TBC1D22A: variants seen among roughly 807,000 people sequenced by gnomAD.
TBC1D22A encodes TBC1 domain family member 22A, also known as putative GTPase activator.
TBC1D22A carries 38 observed loss-of-function variants against 60.2 expected under a neutral mutation model. The observed-to-expected ratio is 0.63, with a 90% CI of 0.49 to 0.83. TBC1D22A has a LOEUF of 0.83. TBC1D22A is among the 40% of genes least tolerant of loss of function. The pLI is 0.00. For missense variants in TBC1D22A, 628 were observed against 701.0 expected, an observed-to-expected ratio of 0.90 and a Z score of 1.18; for synonymous variants, 302 against 281.7, an observed-to-expected ratio of 1.07 and a Z score of -0.72.
intron 8 of TBC1D22A, among the ~76,000 whole-genome samples, chr22:46,968,370 G>T (rs551820220): frequency 3.0e-4 from 45 of 152,350 alleles, no homozygotes; most frequent in African/African-American, 9.6e-4. Context: ...GCGCAGCGTG[G>T]CATGGACCCC....
chr22:46,951,216 A>T (rs932332776), intron 8 of TBC1D22A, among the ~76,000 whole-genome samples: 1 of 152,230 alleles, frequency 6.6e-6, no homozygotes, highest in African/African-American at 2.4e-5. Flanking sequence ...AAGCCTTTGA[A>T]GTAAAATCAC....
At chr22:46,889,699 G>T (rs12169310) in intron 5 of TBC1D22A, among the ~76,000 whole-genome samples, 2 of 152,278 alleles carry the variant, frequency 1.3e-5, no homozygotes, top group African/African-American at 4.8e-5. Context: ...GGATCCGTCT[G>T]GGAAGGTGCT....
intron 11 of TBC1D22A, among the ~76,000 whole-genome samples, chr22:47,037,670 C>A (rs184117807): frequency 1.3e-5 from 2 of 152,264 alleles, no homozygotes; most frequent in East Asian, 3.9e-4. Flanking sequence ...ATACTCCTGG[C>A]ATGCTTTTTA....
intron 12 of TBC1D22A, among the ~76,000 whole-genome samples, chr22:47,163,643 G>A (rs2068082997): frequency 2.6e-5 from 4 of 152,212 alleles, no homozygotes; most frequent in Admixed American, 2.6e-4. Flanking sequence ...GGCGGTGGAG[G>A]GAAGCAAGGA....
chr22:46,895,247 C>T (rs1308189242), intron 7 of TBC1D22A, among the ~76,000 whole-genome samples: 1 of 152,012 alleles, frequency 6.6e-6, no homozygotes, highest in Non-Finnish European at 1.5e-5. Flanking sequence ...GCTTTCTTGC[C>T]TTTTATGTTT....
rs572506812 is a variant in TBC1D22A, at chr22:47,092,974, C to T, written c.1330-18534C>T. Among the ~76,000 whole-genome samples, 8 of 152,274 alleles carry T rather than the reference C, an allele frequency of 5.3e-5. 1 individual carries two copies. The highest frequency in any genetic ancestry group is 5.2e-4 in the Admixed American group (8 of 15,300). ...GCATTTTCTAGAAATGCTGAGTCAT[C>T]AGACATGGAATGTTGAGATTTGGGA... On this transcript the variant is annotated intron_variant, in intron 11 of 12. Transcript: ENST00000337137.
chr22:46,776,490 A>G (rs916495364), intron 1 of TBC1D22A, among the ~76,000 whole-genome samples: 5 of 151,968 alleles, frequency 3.3e-5, no homozygotes, highest in African/African-American at 1.2e-4. Flanking sequence ...TGGTGGCTGC[A>G]GGAGTTTTGG....
At chr22:46,991,679 G>A (rs2074945796) in intron 9 of TBC1D22A, among the ~76,000 whole-genome samples, 1 of 152,192 alleles carries the variant, frequency 6.6e-6, no homozygotes, top group Non-Finnish European at 1.5e-5. Context: ...TTTCCGTGGT[G>A]CAAATCTCTT....
chr22:47,036,914 G>C (rs73470075), intron 10 of TBC1D22A, among the ~76,000 whole-genome samples, 157 bp from the exon 11 acceptor site: 3,509 of 152,340 alleles, frequency 0.023, 111 homozygotes, highest in African/African-American at 0.07. Context: ...CTCATTAATA[G>C]AATCAGTTCT....
intron 8 of TBC1D22A, among the ~76,000 whole-genome samples, chr22:46,936,467 G>A (rs1569241406): frequency 6.6e-6 from 1 of 152,262 alleles, no homozygotes; most frequent in Admixed American, 6.5e-5. Flanking sequence ...ACAGTACATA[G>A]CACATCTCTT....
At chr22:47,128,858 G>A (rs2066587240) in intron 12 of TBC1D22A, among the ~76,000 whole-genome samples, 1 of 152,166 alleles carries the variant, frequency 6.6e-6, no homozygotes, top group African/African-American at 2.4e-5. Context: ...AAGATCCCCG[G>A]CTCTTCATGA....
chr22:46,883,664 G>C (rs942990492), intron 5 of TBC1D22A, among the ~76,000 whole-genome samples: 19 of 152,314 alleles, frequency 1.2e-4, no homozygotes, highest in African/African-American at 4.3e-4. Flanking sequence ...ATGTCAGGCT[G>C]CCTACACCAC....
chr22:47,098,332 C>T (rs988491484), intron 11 of TBC1D22A, among the ~76,000 whole-genome samples: 1 of 152,204 alleles, frequency 6.6e-6, no homozygotes, highest in Non-Finnish European at 1.5e-5. Flanking sequence ...TTCTCATGGA[C>T]TTGTTTTTCA....
chr22:47,041,599 A>G (rs771217318), intron 11 of TBC1D22A, among the ~76,000 whole-genome samples: 1 of 152,164 alleles, frequency 6.6e-6, no homozygotes, highest in Non-Finnish European at 1.5e-5. Context: ...TGGTGGGTCC[A>G]TGTTCTCTGC....
intron 10 of TBC1D22A, among the ~76,000 whole-genome samples, chr22:47,031,929 G>T (rs2062487851): frequency 6.6e-6 from 1 of 152,220 alleles, no homozygotes; most frequent in South Asian, 2.1e-4. Context: ...TGCAAGTGGG[G>T]CAGGAAGGGT....
At chr22:46,815,689 A>G (rs79412870) in intron 4 of TBC1D22A, among the ~76,000 whole-genome samples, 2,683 of 152,264 alleles carry the variant, frequency 0.018, 39 homozygotes, top group Non-Finnish European at 0.029. Context: ...TGACGATACA[A>G]AGATGTATTT....
intron 11 of TBC1D22A, among the ~76,000 whole-genome samples, chr22:47,109,249 G>T (rs1043736530): frequency 4.6e-5 from 7 of 152,110 alleles, no homozygotes; most frequent in African/African-American, 1.7e-4. Context: ...ACAAAGATTG[G>T]CAGAACCATA....
chr22:47,086,702 C>T (rs1381515661), intron 11 of TBC1D22A, among the ~76,000 whole-genome samples: 14 of 152,124 alleles, frequency 9.2e-5, no homozygotes, highest in Non-Finnish European at 1.3e-4. Flanking sequence ...GGACTTTCCT[C>T]GTACGGTGAG....
intron 11 of TBC1D22A, among the ~76,000 whole-genome samples, chr22:47,075,527 G>T (rs1009166809): frequency 6.6e-6 from 1 of 152,056 alleles, no homozygotes; most frequent in African/African-American, 2.4e-5. Context: ...CAGTGTTAAA[G>T]GGTGACCACT....
Sources: gnomAD v4.1 joint callset for allele counts (sites outside exome capture counted in the v4.1 genomes callset) on GRCh38, gnomAD v4.1.1 for gene constraint, MANE v1.5 for transcripts, NCBI Gene and HGNC (gene_info 2026-07-23, HGNC 2026-07-21) for gene names.